Variants in TNFAIP8 observed in about 807,000 individuals in gnomAD.
TNFAIP8 encodes TNF alpha induced protein 8.
TNFAIP8 carries 7 observed loss-of-function variants against 13.3 expected under a neutral mutation model. The ratio of observed to expected loss-of-function variants is 0.52; its 90% confidence interval spans 0.30 to 0.99. The LOEUF is 0.99. Ranked by LOEUF, TNFAIP8 falls within the 50% of genes least tolerant of loss-of-function variation. TNFAIP8 has a pLI of 0.07. For synonymous variants in TNFAIP8, 94 were observed against 87.6 expected, an observed-to-expected ratio of 1.07 and a Z score of -0.41; for missense variants, 258 against 236.9, an observed-to-expected ratio of 1.09 and a Z score of -0.58.
At chr5:119,327,286 T>C (rs886684169) in intron 1 of TNFAIP8, among the ~76,000 whole-genome samples, 1 of 152,134 alleles carries the variant, frequency 6.6e-6, no homozygotes, top group Non-Finnish European at 1.5e-5. Context: ...ACATGTGGGC[T>C]CAGGGTACAG....
rs141929572 is a variant in TNFAIP8 at position 119,316,987 on chromosome 5, A to G, written c.1+48080A>G. The stretch of plus-strand genomic sequence containing the variant: ...TCAGTAGAACCAAGGCTGAGAAACA[A>G]TGTTCTAGAAAAATCAGGCTGAAGA... On this transcript the variant is annotated intron_variant, in intron 1 of 1. Transcript: ENST00000274456. Among the ~76,000 whole-genome samples the G allele has an allele frequency of 4.6e-3, 695 of 152,340 alleles. 5 individuals are homozygous for G. Among genetic ancestry groups the G allele is most frequent in the African/African-American group, 0.016 (649 of 41,562 alleles).
chr5:119,352,529 T>A (rs1751207552), upstream of TNFAIP8, among the ~76,000 whole-genome samples: 1 of 152,182 alleles, frequency 6.6e-6, no homozygotes, highest in Non-Finnish European at 1.5e-5. Flanking sequence ...GCAGAGAACA[T>A]ATAACATTCT....
At chr5:119,273,150 C>T (rs1167769845) in intron 1 of TNFAIP8, among the ~76,000 whole-genome samples, 1 of 152,226 alleles carries the variant, frequency 6.6e-6, no homozygotes, top group African/African-American at 2.4e-5. Flanking sequence ...ATCTACTTAG[C>T]TCTCTGAGCC....
chr5:119,308,065 G>A (rs1233892085), intron 1 of TNFAIP8, among the ~76,000 whole-genome samples: 2 of 152,176 alleles, frequency 1.3e-5, no homozygotes, highest in African/African-American at 2.4e-5. Flanking sequence ...TCTAACCCCT[G>A]TAATTTACAG....
chr5:119,361,603 G>T (rs765693020), intron 1 of TNFAIP8, among the ~76,000 whole-genome samples: 16 of 152,166 alleles, frequency 1.1e-4, no homozygotes, highest in Admixed American at 5.9e-4. Context: ...TCCCTACGTG[G>T]CTCTGATAGC....
chr5:119,336,584 G>T (rs1256112716), intron 1 of TNFAIP8, among the ~76,000 whole-genome samples: 1 of 152,150 alleles, frequency 6.6e-6, no homozygotes, highest in African/African-American at 2.4e-5. Context: ...TTTTGCTATG[G>T]AGATAAATCC....
intron 1 of TNFAIP8, among the ~76,000 whole-genome samples, chr5:119,291,131 A>G (rs1230997956): frequency 6.6e-6 from 1 of 152,220 alleles, no homozygotes; most frequent in Admixed American, 6.5e-5. Context: ...AAAATTGTGT[A>G]ACACTTTTGC....
intron 1 of TNFAIP8, among the ~76,000 whole-genome samples, chr5:119,385,055 A>G (rs1469876798): frequency 1.3e-5 from 2 of 152,166 alleles, no homozygotes; most frequent in Admixed American, 6.5e-5. Flanking sequence ...TCAAGGCATC[A>G]TTTTTCTTGT....
chr5:119,372,402 A>G (rs1752115515), intron 1 of TNFAIP8, among the ~76,000 whole-genome samples: 2 of 152,062 alleles, frequency 1.3e-5, no homozygotes, highest in Admixed American at 1.3e-4. Context: ...CTTCATAGAA[A>G]TGATGTTTTA....
At chr5:119,315,828 T>C (rs1749877911) in intron 1 of TNFAIP8, among the ~76,000 whole-genome samples, 1 of 152,204 alleles carries the variant, frequency 6.6e-6, no homozygotes, top group South Asian at 2.1e-4. Context: ...TTGATTGCAG[T>C]TCCTGTGTGG....
intron 1 of TNFAIP8, among the ~76,000 whole-genome samples, chr5:119,347,785 T>C (rs528967843): frequency 2.8e-4 from 42 of 152,356 alleles, no homozygotes; most frequent in African/African-American, 9.9e-4. Context: ...GTTTTTCTGT[T>C]GAGTGTCAGC....
At chr5:119,380,493 G>A (rs1176481937) in intron 1 of TNFAIP8, among the ~76,000 whole-genome samples, 1 of 152,206 alleles carries the variant, frequency 6.6e-6, no homozygotes, top group Non-Finnish European at 1.5e-5. Context: ...CTGTTGAGAG[G>A]ATTATCCTCT....
At chr5:119,346,519 T>G (rs892765505) in intron 1 of TNFAIP8, among the ~76,000 whole-genome samples, 1 of 152,228 alleles carries the variant, frequency 6.6e-6, no homozygotes. Flanking sequence ...AATTTCGAGC[T>G]GTGAGGCAGT....
chr5:119,282,769 C>T (rs1195385018), intron 1 of TNFAIP8, among the ~76,000 whole-genome samples: 1 of 152,216 alleles, frequency 6.6e-6, no homozygotes, highest in Non-Finnish European at 1.5e-5. Context: ...ATTCCACCTG[C>T]CCAGACAGGC....
chr5:119,353,067 G>A (rs2112763275), upstream of TNFAIP8, among the ~76,000 whole-genome samples: 1 of 152,298 alleles, frequency 6.6e-6, no homozygotes, highest in East Asian at 1.9e-4. Context: ...AGTACAGTTT[G>A]TTATTAAATG....
At chr5:119,284,593 A>G (rs984756973) in intron 1 of TNFAIP8, among the ~76,000 whole-genome samples, 10 of 152,032 alleles carry the variant, frequency 6.6e-5, no homozygotes, top group Admixed American at 2.0e-4. Context: ...AGGCAGGAGA[A>G]TCGCTTGAAC....
chr5:119,305,564 C>T (rs531265687), intron 1 of TNFAIP8, among the ~76,000 whole-genome samples: 7 of 152,154 alleles, frequency 4.6e-5, no homozygotes, highest in Non-Finnish European at 7.4e-5. Context: ...TTTGAATAGC[C>T]ATTGCACTGC....
intron 1 of TNFAIP8, among the ~76,000 whole-genome samples, chr5:119,338,208 AC>A (rs1750622184): frequency 7.6e-6 from 1 of 131,516 alleles, no homozygotes; most frequent in South Asian, 2.1e-4. Context: ...ACACACACAC[AC>A]ACCTTCTCAG....
At chr5:119,294,823 G>A (rs1424044568) in intron 1 of TNFAIP8, among the ~76,000 whole-genome samples, 1 of 151,974 alleles carries the variant, frequency 6.6e-6, no homozygotes. Flanking sequence ...GTGTCTTTTG[G>A]CTGCATAAAT....
Sources: allele counts gnomAD v4.1 joint callset (sites outside exome capture counted in the v4.1 genomes callset), GRCh38; gene constraint gnomAD v4.1.1; transcripts MANE v1.5; gene names NCBI Gene and HGNC (gene_info 2026-07-23, HGNC 2026-07-21).